RALGPS1: variants seen among roughly 807,000 people sequenced by gnomAD.
RALGPS1 encodes the protein ras-specific guanine nucleotide-releasing factor RalGPS1.
A neutral mutation model predicts 78.8 loss-of-function variants in RALGPS1; 19 were observed. The observed-to-expected ratio is 0.24, with a 90% confidence interval of 0.17 to 0.35. The LOEUF is 0.35. RALGPS1 is among the 10% of genes least tolerant of loss of function. RALGPS1 has a pLI of 1.00. For missense variants in RALGPS1, 454 were observed against 688.3 expected, an observed-to-expected ratio of 0.66 and a Z score of 3.81; for synonymous variants, 228 against 256.3, an observed-to-expected ratio of 0.89 and a Z score of 1.06.
intron 8 of RALGPS1, among the ~76,000 whole-genome samples, chr9:127,118,578 G>A (rs993183590): frequency 6.6e-6 from 1 of 152,216 alleles, no homozygotes; most frequent in African/African-American, 2.4e-5. Flanking sequence ...CCGTGGGAGA[G>A]GTGCTGCACC....
chr9:126,990,292 T>G, intron 4 of RALGPS1: 1 of 317,964 alleles, frequency 3.1e-6, no homozygotes, highest in Non-Finnish European at 5.8e-6. Context: ...CTGCCATCCC[T>G]CCCCTGAATG....
chr9:127,060,287 A>T (rs1451211680), intron 7 of RALGPS1, among the ~76,000 whole-genome samples: 1 of 152,202 alleles, frequency 6.6e-6, no homozygotes, highest in African/African-American at 2.4e-5. Context: ...CCTGAACCTC[A>T]TGCAGCGAAG....
intron 14 of RALGPS1, among the ~76,000 whole-genome samples, chr9:127,200,160 A>G (rs569265615): frequency 1.0e-3 from 155 of 152,340 alleles, no homozygotes; most frequent in African/African-American, 3.5e-3. Context: ...ATACACGCAC[A>G]CACACACACT....
chr9:127,057,706 G>T (rs2048857925), intron 7 of RALGPS1, among the ~76,000 whole-genome samples: 2 of 152,222 alleles, frequency 1.3e-5, no homozygotes, highest in South Asian at 4.1e-4. Flanking sequence ...CTGATTTCCT[G>T]AGTACACATC....
At chr9:127,146,837 C>T (rs958951912) in intron 8 of RALGPS1, among the ~76,000 whole-genome samples, 9 of 152,210 alleles carry the variant, frequency 5.9e-5, no homozygotes. Flanking sequence ...AGCCACCGCA[C>T]CCAGCCTGAA....
At chr9:126,989,874 G>T (rs1365952226) in intron 4 of RALGPS1, 49 of 1,549,810 alleles carry the variant, frequency 3.2e-5, no homozygotes, top group Non-Finnish European at 4.2e-5. Context: ...CATCTGTTGG[G>T]TCCTTTTCTG....
At chr9:127,217,166 T>TTGGCAGATGTGGTGTAGCA in intron 18 of RALGPS1, 9 of 1,265,388 alleles carry the variant, frequency 7.1e-6, no homozygotes, top group Non-Finnish European at 8.9e-6. Context: ...GTTTCATGTA[T>TTGGCAGATGTGGTGTAGCA]TGGCAGATGT....
At position 127,091,852 on chromosome 9, in the gene RALGPS1, A is replaced by T. The variant is rs749456287; in HGVS notation, c.610+22496A>T. On this transcript the variant is annotated intron_variant, in intron 8 of 18. Transcript: ENST00000259351. This position sits in a 1 kb window ranked among gnomAD's most constrained non-coding sequence, Gnocchi z 4.3. ...GCGGCCGGACCAGTCCTCCATGGTC[A>T]CCAGGAGTTTGTAGTTGCCTTGGTT... is the stretch of plus-strand genomic sequence containing the variant. 1 of 1,614,182 alleles carries T rather than the reference A, an allele frequency of 6.2e-7. No homozygotes were observed. Among genetic ancestry groups the T allele is most frequent in the Non-Finnish European group, 8.5e-7 (1 of 1,180,022 alleles).
chr9:127,196,172 C>T (rs901161854), intron 12 of RALGPS1, among the ~76,000 whole-genome samples: 15 of 152,398 alleles, frequency 9.8e-5, no homozygotes, highest in African/African-American at 3.6e-4. Flanking sequence ...CACTGCTGCT[C>T]ACCTGTGCAG....
intron 8 of RALGPS1, among the ~76,000 whole-genome samples, chr9:127,144,666 G>A (rs1459870510): frequency 6.6e-6 from 1 of 152,226 alleles, no homozygotes; most frequent in Admixed American, 6.5e-5. Flanking sequence ...ATACCATTCA[G>A]CCATAAAGGC....
Position 127,222,904 on chromosome 9 carries a change from T to C in RALGPS1, c.*4135T>C, listed in dbSNP as rs1445709285. 3 of 152,616 alleles carry C rather than the reference T, an allele frequency of 2.0e-5. No individual in the cohort carries two copies. In the East Asian group the frequency reaches 5.8e-4, roughly 29 times the overall value. The allele number at this position is 152,616 out of a possible 1,614,324, so 9.5% of individuals were successfully genotyped here. A position where few individuals can be genotyped will look rare whatever the true frequency, so the allele number is the denominator to read the frequency against. On this transcript the variant is annotated 3_prime_UTR_variant, in exon 19 of 19. Coordinates refer to ENST00000259351, the MANE Select transcript of RALGPS1 (RefSeq NM_014636.3). The stretch of plus-strand genomic sequence containing the variant: ...CTGTTGCACTCTCCTGGGCTGTCTT[T>C]TTCTCCAGCAGACCCCTGCATGCAG...
At chr9:127,012,145 G>A (rs1381333967) in intron 4 of RALGPS1, among the ~76,000 whole-genome samples, 6 of 152,114 alleles carry the variant, frequency 3.9e-5, no homozygotes, top group Non-Finnish European at 8.8e-5. Flanking sequence ...CCTGAGTGTA[G>A]GTATTGAGGG....
intron 10 of RALGPS1, among the ~76,000 whole-genome samples, chr9:127,173,886 G>A (rs12002579): frequency 1.3e-5 from 2 of 152,104 alleles, no homozygotes; most frequent in Non-Finnish European, 2.9e-5. Context: ...GGTGGCACAC[G>A]CCTGTAATCC....
chr9:127,214,703 C>T, intron 17 of RALGPS1, 48 bp from the exon 18 acceptor site: 1 of 1,566,434 alleles, frequency 6.4e-7, no homozygotes, highest in Admixed American at 2.1e-5. Context: ...CACCAGCTGA[C>T]CCTCCTACGT....
intron 1 of RALGPS1, among the ~76,000 whole-genome samples, chr9:126,922,619 C>CT (rs1416570308): frequency 2.0e-5 from 3 of 152,204 alleles, no homozygotes; most frequent in African/African-American, 4.8e-5. Context: ...CACCATATCT[C>CT]TAACACTTTC....
At chr9:127,056,106 G>T (rs1331187690) in intron 7 of RALGPS1, among the ~76,000 whole-genome samples, 4 of 152,222 alleles carry the variant, frequency 2.6e-5, no homozygotes, top group Non-Finnish European at 4.4e-5. Context: ...CCCTGGGTTG[G>T]CTCCTGTCTT....
chr9:127,090,422 T>C (rs142458958), intron 8 of RALGPS1, among the ~76,000 whole-genome samples: 3 of 152,356 alleles, frequency 2.0e-5, no homozygotes, highest in East Asian at 1.9e-4. Flanking sequence ...TGAGGGCCTG[T>C]TCCTCTTCCA....
chr9:127,194,665 G>C (rs1464467318), intron 11 of RALGPS1, among the ~76,000 whole-genome samples: 1 of 151,906 alleles, frequency 6.6e-6, no homozygotes, highest in Non-Finnish European at 1.5e-5. Flanking sequence ...CACCTGCCTC[G>C]GCCTCCCAAA....
chr9:127,109,287 G>T (rs562440231), intron 8 of RALGPS1, among the ~76,000 whole-genome samples: 1 of 152,272 alleles, frequency 6.6e-6, no homozygotes, highest in East Asian at 1.9e-4. Context: ...GATCTTCTCT[G>T]TTGGATTCTA....
Sources: allele counts gnomAD v4.1 joint callset (sites outside exome capture counted in the v4.1 genomes callset), GRCh38; gene constraint gnomAD v4.1.1; non-coding constraint Gnocchi (gnomAD v3.1); transcripts MANE v1.5; gene names NCBI Gene and HGNC (gene_info 2026-07-23, HGNC 2026-07-21).